Variants in SPTB observed in about 807,000 individuals in gnomAD.
SPTB encodes the protein spectrin beta chain, erythrocytic.
In SPTB, 45 loss-of-function variants were observed where a neutral mutation model predicts 256.2. The ratio of observed to expected loss-of-function variants is 0.18; its 90% CI spans 0.14 to 0.23. The LOEUF is 0.23. SPTB is among the 10% of genes least tolerant of loss of function. SPTB has a pLI of 1.00. For synonymous variants in SPTB, 1,231 were observed against 1,243.1 expected (o/e 0.99, Z 0.21); for missense variants, 2,715 against 3,040.4 (o/e 0.89, Z 2.52).
rs1388658257 is a variant in SPTB at position 64,873,708 on chromosome 14, G to A, written c.-52+6084C>T. Among the ~76,000 whole-genome samples the A allele has an allele frequency of 6.6e-6, 1 of 152,118 alleles. No homozygotes were observed. The highest frequency in any genetic ancestry group is 2.4e-5 in the African/African-American group (1 of 41,402). ...AAAGCAACCGCGGTCTCAACCAGAA[G>A]GCCCAGAATATTCAATTACTCCACT... is the stretch of plus-strand genomic sequence containing the variant. On this transcript the variant is annotated intron_variant, in intron 1 of 35. Transcript: ENST00000644917. This position sits in a 1 kb window ranked among gnomAD's most constrained non-coding sequence, Gnocchi z 4.3.
At chr14:64,752,650 A>ATC (rs2139428807) in intron 33 of SPTB, among the ~76,000 whole-genome samples, 1 of 152,310 alleles carries the variant, frequency 6.6e-6, no homozygotes, top group African/African-American at 2.4e-5. Context: ...TGCTCAGTAA[A>ATC]TGTTAGTTTC....
At position 64,793,079 on chromosome 14, in the gene SPTB, G is replaced by A. The variant is rs535960837; in HGVS notation, c.2584C>T (p.Leu862=). 3.1e-6 allele frequency: 5 copies of A among 1,614,088 alleles called. No individual in the cohort carries two copies. The African/African-American group carries it at 5.3e-5, about 17-fold the overall frequency. ...TVFGETDACE[L]WMGEKEKWLA... is the part of the protein sequence containing the mutation. Reference sequence around the variant, plus strand: ...CACTTCTCCTTCTCTCCCATCCACAGCTCACAGGCGTCTGTCTCCCCGAAC... The same window carrying A: ...CACTTCTCCTTCTCTCCCATCCACAACTCACAGGCGTCTGTCTCCCCGAAC... Residue 862 remains leucine, a synonymous_variant, in exon 14 of 36, where the codon CTG becomes TTG. Transcript: ENST00000644917. The surrounding 1 kb of genome is among the most constrained non-coding windows in gnomAD (Gnocchi z 7.0).
chr14:64,771,430 A>G (rs1379615648), intron 26 of SPTB, among the ~76,000 whole-genome samples: 1 of 152,184 alleles, frequency 6.6e-6, no homozygotes, highest in East Asian at 1.9e-4. Flanking sequence ...TGTTCTAAAC[A>G]CTTTCTACTG....
At position 64,786,658 on chromosome 14, in the gene SPTB, G is replaced by A; in HGVS notation, c.3307C>T (p.His1103Tyr). Residue 1103 changes from histidine (H) to tyrosine (Y), a missense_variant, in exon 16 of 36, where the codon CAT becomes TAT. Coordinates refer to ENST00000644917, the MANE Select transcript of SPTB (RefSeq NM_001355436.2). The surrounding 1 kb of genome is among the most constrained non-coding windows in gnomAD (Gnocchi z 5.6). ...LPEAEQLLQQ[H>Y]AGIKDEIDGH... ...TCAATCTCATCCTTGATACCTGCAT[G>A]CTGCTGCAGGAGCTGCTCAGCCTCT... 2 of 1,614,086 alleles carry A rather than the reference G, an allele frequency of 1.2e-6. No individual in the cohort carries two copies. Among genetic ancestry groups the A allele is most frequent in the Non-Finnish European group, 1.7e-6 (2 of 1,179,962 alleles).
rs2083371858 is a variant in SPTB at position 64,825,895 on chromosome 14, T to A, written c.-51-2750A>T. ...ATGCCATCCCTCCTGTGGCCATGGC[T>A]CAGAGAAGGCAGCAGCCGGGCAGCA... On this transcript the variant is annotated intron_variant, in intron 1 of 35. Coordinates refer to ENST00000644917, the MANE Select transcript of SPTB (RefSeq NM_001355436.2). This position sits in a 1 kb window ranked among gnomAD's most constrained non-coding sequence, Gnocchi z 4.8. 6.6e-6 allele frequency among the ~76,000 whole-genome samples: 1 copy of A among 152,204 alleles called. No homozygotes were observed. Among genetic ancestry groups the A allele is most frequent in the South Asian group, 2.1e-4 (1 of 4,826 alleles).
chr14:64,810,474 G>A (rs528326843), intron 2 of SPTB, among the ~76,000 whole-genome samples: 2 of 152,326 alleles, frequency 1.3e-5, no homozygotes, highest in African/African-American at 4.8e-5. Flanking sequence ...TGGGTCAGGA[G>A]TTCGAGATCA....
intron 32 of SPTB, among the ~76,000 whole-genome samples, chr14:64,766,219 CTGTA>C (rs66712620): frequency 0.055 from 7,755 of 140,720 alleles, 309 homozygotes; most frequent in African/African-American, 0.11. Flanking sequence ...CGTGAGGTGT[CTGTA>C]TATATGGGGG....
Position 64,793,164 on chromosome 14 carries a change from C to A in SPTB, c.2499G>T (p.Val833=), listed in dbSNP as rs750984350. 9.3e-6 allele frequency: 15 copies of A among 1,613,878 alleles called. 1 individual carries two copies. The highest frequency in any genetic ancestry group is 1.3e-5 in the Non-Finnish European group (15 of 1,180,044). ...GCTGACGCAGGTCCGCCTGGGCCAC[C>A]ACCTGTTGGTAGAGCTCCCGCAGGG... is the stretch of plus-strand genomic sequence containing the variant. ...LQALRELYQQ[V]VAQADLRQQR... The change falls in exon 14 of 36, where the codon GTG becomes GTT. Residue 833 remains valine, a synonymous_variant. Coordinates refer to ENST00000644917, the MANE Select transcript of SPTB (RefSeq NM_001355436.2). This position sits in a 1 kb window ranked among gnomAD's most constrained non-coding sequence, Gnocchi z 7.0.
Position 64,749,646 on chromosome 14 carries a change from G to C in SPTB, c.6819+8C>G. 2.5e-6 allele frequency: 4 copies of C among 1,613,596 alleles called. No homozygotes were observed. The highest frequency in any genetic ancestry group is 3.4e-6 in the Non-Finnish European group (4 of 1,179,928). On this transcript the variant is annotated splice_region_variant and intron_variant, in intron 35 of 35. Transcript: ENST00000644917. This position sits in a 1 kb window ranked among gnomAD's most constrained non-coding sequence, Gnocchi z 4.7. ...TAGCCAGGTCTGGGCTAGGCTGCCC[G>C]CGCTTACCTCATCCTTGCCATGGAA... is the stretch of plus-strand genomic sequence containing the variant.
intron 1 of SPTB, among the ~76,000 whole-genome samples, chr14:64,856,377 A>C (rs1346560672): frequency 6.6e-6 from 1 of 152,180 alleles, no homozygotes; most frequent in African/African-American, 2.4e-5. Context: ...CTCACTGCTA[A>C]GTTCCTCTTC....
At chr14:64,765,041 T>TGTGTGTGTGTGTGTGCGC (rs570414192) in intron 32 of SPTB, among the ~76,000 whole-genome samples, 3 of 116,988 alleles carry the variant, frequency 2.6e-5, no homozygotes, top group African/African-American at 1.0e-4. Context: ...TGTGTGTGTG[T>TGTGTGTGTGTGTGTGCGC]GCGCGCGCGC....
chr14:64,793,049 C>G lies in SPTB; in HGVS notation c.2614G>C (p.Ala872Pro). The G allele has an allele frequency of 6.2e-7, 1 of 1,614,044 alleles. No individual in the cohort carries two copies. Among genetic ancestry groups the G allele is most frequent in the Non-Finnish European group, 8.5e-7 (1 of 1,180,044 alleles). Residue 872 changes from alanine (A) to proline (P), a missense_variant, in exon 14 of 36, where the codon GCC becomes CCC. Ala to Pro is a conservative substitution (Grantham distance 27, BLOSUM62 -1). Around this residue, in one of 4 missense-constraint regions of SPTB, gnomAD observed 2,239 missense variants for 2,384.4 expected, o/e 0.94. Coordinates refer to ENST00000644917, the MANE Select transcript of SPTB (RefSeq NM_001355436.2). This position sits in a 1 kb window ranked among gnomAD's most constrained non-coding sequence, Gnocchi z 7.0. ...AGGGTGTCTGGCATTTCCATCTCGG[C>G]CAGCCACTTCTCCTTCTCTCCCATC... Reference protein sequence around the residue: ...LWMGEKEKWLAEMEMPDTLED... With the variant: ...LWMGEKEKWLPEMEMPDTLED...
chr14:64,775,126 T>G lies in SPTB; in HGVS notation c.4841A>C (p.Lys1614Thr). The change falls in exon 23 of 36, where the codon AAG (lysine) becomes ACG (threonine). Residue 1614 changes from lysine to threonine, a missense_variant and splice_region_variant. Coordinates refer to ENST00000644917, the MANE Select transcript of SPTB (RefSeq NM_001355436.2). This position sits in a 1 kb window ranked among gnomAD's most constrained non-coding sequence, Gnocchi z 5.0. ...CTGGTATCCCCTGCCCGAACAGACC[T>G]TGGGGATCTCATCGGAGATGACGTA... ...ELYVISDEIPKDEEGAIVMLK... is the reference protein window; with the variant it reads ...ELYVISDEIPTDEEGAIVMLK... The G allele has an allele frequency of 6.2e-7, 1 of 1,613,904 alleles. No homozygotes were observed. The highest frequency in any genetic ancestry group is 2.2e-5 in the East Asian group (1 of 44,872).
At position 64,803,669 on chromosome 14, in the gene SPTB, T is replaced by C; in HGVS notation, c.412A>G (p.Ile138Val). The C allele has an allele frequency of 6.2e-7, 1 of 1,614,096 alleles. No homozygotes were observed. Among genetic ancestry groups the C allele is most frequent in the Non-Finnish European group, 8.5e-7 (1 of 1,180,006 alleles). The change falls in exon 4 of 36, where the codon ATT becomes GTT. Residue 138 changes from isoleucine to valine, a missense_variant. This residue lies in a region of SPTB where 416 missense variants were observed against 571.1 expected (regional missense o/e 0.73). Transcript: ENST00000644917. ...ACCAGGCGGTGGTTGCCATCTACAA[T>C]GTCGTGGGAGCCCATGTTCTCCAGG... ...VHLENMGSHD[I>V]VDGNHRLVLG...
Position 64,750,171 on chromosome 14 carries a change from A to G in SPTB, c.6603-17T>C, listed in dbSNP as rs1453306229. ...TTCCAGGACCTGCAAAGATGCAGAC[A>G]GGCAGGTCACCCACATCCTGATATG... is the stretch of plus-strand genomic sequence containing the variant. On this transcript the variant is annotated splice_polypyrimidine_tract_variant and intron_variant, in intron 33 of 35. Coordinates refer to ENST00000644917, the MANE Select transcript of SPTB (RefSeq NM_001355436.2). The G allele has an allele frequency of 6.2e-7, 1 of 1,608,764 alleles. No homozygotes were observed. The highest frequency in any genetic ancestry group is 1.1e-5 in the South Asian group (1 of 90,958).
chr14:64,808,361 T>A (rs1033543299), intron 2 of SPTB, among the ~76,000 whole-genome samples: 12 of 152,208 alleles, frequency 7.9e-5, no homozygotes, highest in African/African-American at 2.9e-4. Context: ...GCCATCCTCA[T>A]TCCCTGCTAT....
At chr14:64,801,144 T>C in intron 7 of SPTB, 141 bp downstream of exon 7, 2 of 727,042 alleles carry the variant, frequency 2.8e-6, no homozygotes, top group Admixed American at 4.3e-5. Flanking sequence ...GAGCCTGGCC[T>C]GGCCACTGCC....
intron 20 of SPTB, among the ~76,000 whole-genome samples, chr14:64,780,500 G>A (rs982424063): frequency 3.3e-5 from 5 of 152,144 alleles, no homozygotes; most frequent in Non-Finnish European, 5.9e-5. Flanking sequence ...TGCAACCTCC[G>A]CCTGCTGGGT....
In SPTB at chr14:64,766,800, G is replaced by A. The variant is rs372733273; in HGVS notation, c.6271C>T (p.Pro2091Ser). ...GCTGTCTCGCCTTCCTCCTCTTGAGGCCTAAGGAAGACACAGTCTCTCTTT... is the reference window on the plus strand; with the variant it reads ...GCTGTCTCGCCTTCCTCCTCTTGAGACCTAAGGAAGACACAGTCTCTCTTT... Reference protein sequence around the residue: ...IAERPAEETGPQEEEGETAGE... With the variant: ...IAERPAEETGSQEEEGETAGE... The change falls in exon 32 of 36, where the codon CCT becomes TCT. Residue 2091 changes from proline (P) to serine (S), a missense_variant and splice_region_variant. Coordinates refer to ENST00000644917, the MANE Select transcript of SPTB (RefSeq NM_001355436.2). 1 of 1,611,026 alleles carries A rather than the reference G, an allele frequency of 6.2e-7. No individual in the cohort carries two copies.
Sources: allele counts gnomAD v4.1 joint callset (sites outside exome capture counted in the v4.1 genomes callset), GRCh38; gene constraint gnomAD v4.1.1; regional missense constraint gnomAD v4.1.1; non-coding constraint Gnocchi (gnomAD v3.1); transcripts MANE v1.5; gene names NCBI Gene and HGNC (gene_info 2026-07-23, HGNC 2026-07-21).